Variants in VAT1L observed in about 807,000 individuals in gnomAD.
VAT1L encodes the protein putative NADPH-dependent quinone oxidoreductase VAT1L.
Under a neutral mutation model 44.1 loss-of-function variants are expected in VAT1L, and 34 were observed. The ratio of observed to expected loss-of-function variants is 0.77; its 90% CI spans 0.59 to 1.03. The LOEUF (loss-of-function observed/expected upper bound fraction) is 1.03, where lower values mean the gene tolerates loss of function less well. VAT1L is among the 50% of genes least tolerant of loss of function. The pLI, the probability that VAT1L is intolerant of heterozygous loss-of-function variation, is 0.00. For missense variants in VAT1L, 615 were observed against 538.8 expected (o/e 1.14, Z -1.40); for synonymous variants, 253 against 202.2 (o/e 1.25, Z -2.13).
chr16:77,832,660 A>G (rs1243212954), intron 3 of VAT1L, among the ~76,000 whole-genome samples: 1 of 152,244 alleles, frequency 6.6e-6, no homozygotes. Flanking sequence ...ATGGAGTTAA[A>G]TTTGGTAACC....
At chr16:77,911,562 G>A (rs1188249736) in intron 7 of VAT1L, among the ~76,000 whole-genome samples, 3 of 152,178 alleles carry the variant, frequency 2.0e-5, no homozygotes, top group South Asian at 2.1e-4. Context: ...TGACCAAATG[G>A]CCCTGAGCCC....
chr16:77,855,111 G>A lies in VAT1L; in HGVS notation c.580-7637G>A, dbSNP rs576474391. Among the ~76,000 whole-genome samples, 477 of 152,256 alleles carry A rather than the reference G, an allele frequency of 3.1e-3. 1 individual carries two copies. The highest frequency in any genetic ancestry group is 0.014 in the Middle Eastern group (4 of 294). On this transcript the variant is annotated intron_variant, in intron 3 of 8. Transcript: ENST00000302536. ...AATCCCAGCACTTTGGGAGGCTGAA[G>A]CAGGCAGATCACGAGGTCAGGAGTT...
rs1277091892 is a variant in VAT1L, at chr16:77,978,032, A to C, written c.*337A>C. ...TGCCTAAGAGACCAGACGTGGGCAAAGACAAGTTTGGATGGAAAGGTGTTA... is the reference window on the plus strand; with the variant it reads ...TGCCTAAGAGACCAGACGTGGGCAACGACAAGTTTGGATGGAAAGGTGTTA... On this transcript the variant is annotated 3_prime_UTR_variant, in exon 9 of 9. Coordinates refer to ENST00000302536, the MANE Select transcript of VAT1L (RefSeq NM_020927.3). 4.5e-6 allele frequency: 1 copy of C among 224,644 alleles called. No homozygotes were observed. Among genetic ancestry groups the C allele is most frequent in the Non-Finnish European group, 9.0e-6 (1 of 111,426 alleles). The allele number at this position is 224,644 out of a possible 1,614,324, so 13.9% of individuals were successfully genotyped here.
chr16:77,912,228 C>G (rs1182794543), intron 7 of VAT1L, among the ~76,000 whole-genome samples: 2 of 152,140 alleles, frequency 1.3e-5, no homozygotes, highest in African/African-American at 4.8e-5. Flanking sequence ...CATCAGTTGC[C>G]TTATCAGTAA....
intron 1 of VAT1L, among the ~76,000 whole-genome samples, chr16:77,811,869 G>A (rs763495638): frequency 2.0e-5 from 3 of 152,050 alleles, no homozygotes; most frequent in African/African-American, 7.2e-5. Flanking sequence ...ACCACCAAGC[G>A]TCTCTTCCTC....
intron 4 of VAT1L, among the ~76,000 whole-genome samples, chr16:77,871,117 T>C (rs2017027257): frequency 6.6e-6 from 1 of 152,112 alleles, no homozygotes; most frequent in African/African-American, 2.4e-5. Context: ...AAAGGAGCAA[T>C]AGCTGCTGGA....
At chr16:77,818,950 C>T (rs1192427984) in intron 2 of VAT1L, among the ~76,000 whole-genome samples, 6 of 152,088 alleles carry the variant, frequency 3.9e-5, no homozygotes, top group Non-Finnish European at 5.9e-5. Flanking sequence ...AAGCTGTCAC[C>T]GGAGGCCGGG....
intron 7 of VAT1L, among the ~76,000 whole-genome samples, chr16:77,935,128 T>C (rs532235474): frequency 2.6e-5 from 4 of 152,202 alleles, no homozygotes; most frequent in Middle Eastern, 6.8e-3. Context: ...GGACTTTCTA[T>C]TGAAACCAGC....
At chr16:77,856,413 A>G (rs1051605562) in intron 3 of VAT1L, among the ~76,000 whole-genome samples, 8 of 152,156 alleles carry the variant, frequency 5.3e-5, no homozygotes, top group Non-Finnish European at 1.5e-5. Flanking sequence ...GGGTAAAAAG[A>G]ATTTCAACTG....
At chr16:77,941,565 C>G (rs2017883956) in intron 7 of VAT1L, among the ~76,000 whole-genome samples, 2 of 152,148 alleles carry the variant, frequency 1.3e-5, no homozygotes, top group Admixed American at 6.6e-5. Context: ...AATGGTAGTT[C>G]TGTTTTTAGC....
At chr16:77,921,303 T>G (rs369048795) in intron 7 of VAT1L, among the ~76,000 whole-genome samples, 1 of 152,216 alleles carries the variant, frequency 6.6e-6, no homozygotes, top group Non-Finnish European at 1.5e-5. Flanking sequence ...GAACAATATG[T>G]TGACATTCCC....
rs765360976 is a variant in VAT1L at position 77,788,832 on chromosome 16, C to CG, written c.156dup (p.Leu53AlafsTer32). The CG allele has an allele frequency of 1.3e-6, 2 of 1,579,564 alleles. No homozygotes were observed. On this transcript the variant is annotated frameshift_variant, in exon 1 of 9. Transcript: ENST00000302536. LOFTEE classifies it high-confidence loss of function. ...TGCGCGCGGTGGTGCTGGCTGGCTT[C>CG]GGGGGGCTCAACAAGCTGCGGCTCT...
At chr16:77,833,481 G>A (rs1317717713) in intron 3 of VAT1L, among the ~76,000 whole-genome samples, 3 of 151,408 alleles carry the variant, frequency 2.0e-5, no homozygotes, top group East Asian at 2.0e-4. Context: ...GGCTGGGCGT[G>A]GTGGCTTACG....
intron 7 of VAT1L, among the ~76,000 whole-genome samples, chr16:77,908,238 C>CAA (rs766945340): frequency 2.2e-5 from 2 of 91,738 alleles, no homozygotes; most frequent in Non-Finnish European, 4.6e-5. Flanking sequence ...GACTCTGTCT[C>CAA]AAAAAAAAAA....
intron 3 of VAT1L, among the ~76,000 whole-genome samples, chr16:77,827,332 T>C (rs923379789): frequency 6.6e-6 from 1 of 152,246 alleles, no homozygotes; most frequent in Admixed American, 6.5e-5. Context: ...TCAGTTCTGC[T>C]GAGAATTAGT....
chr16:77,922,986 C>T (rs2017628431), intron 7 of VAT1L, among the ~76,000 whole-genome samples: 1 of 152,196 alleles, frequency 6.6e-6, no homozygotes, highest in South Asian at 2.1e-4. Context: ...ACTAAATCTT[C>T]AGAGCCACCA....
In VAT1L at chr16:77,979,860, T is replaced by C. The variant is rs2018381389; in HGVS notation, c.*2165T>C. 2 of 152,624 alleles carry C rather than the reference T, an allele frequency of 1.3e-5. No individual in the cohort carries two copies. The highest frequency in any genetic ancestry group is 2.9e-5 in the Non-Finnish European group (2 of 68,030). The allele number at this position is 152,624 out of a possible 1,614,324, so 9.5% of individuals were successfully genotyped here. A position where few individuals can be genotyped will look rare whatever the true frequency, so the allele number is the denominator to read the frequency against. On this transcript the variant is annotated 3_prime_UTR_variant, in exon 9 of 9. Transcript: ENST00000302536. Reference sequence around the variant, plus strand: ...AACCGGGGGACGCAAGTTAATTGTTTAACGTACTCTCATTTTAAGCACCTT... The same window carrying C: ...AACCGGGGGACGCAAGTTAATTGTTCAACGTACTCTCATTTTAAGCACCTT...
chr16:77,890,053 C>T (rs1303348218), intron 7 of VAT1L, among the ~76,000 whole-genome samples: 1 of 152,114 alleles, frequency 6.6e-6, no homozygotes, highest in Non-Finnish European at 1.5e-5. Flanking sequence ...TGCCACTGCA[C>T]TCCAGCCTGG....
At chr16:77,955,581 C>T (rs997257669) in intron 7 of VAT1L, among the ~76,000 whole-genome samples, 2 of 152,046 alleles carry the variant, frequency 1.3e-5, no homozygotes, top group East Asian at 1.9e-4. Context: ...AAAAATTAGC[C>T]AGGGGTGATG....
Sources: allele counts gnomAD v4.1 joint callset (sites outside exome capture counted in the v4.1 genomes callset), GRCh38; gene constraint gnomAD v4.1.1; transcripts MANE v1.5; gene names NCBI Gene and HGNC (gene_info 2026-07-23, HGNC 2026-07-21).